NUBPL: variants seen among roughly 807,000 people sequenced by gnomAD.
The protein encoded by NUBPL is NUBP iron-sulfur cluster assembly factor, mitochondrial, also known as iron-sulfur cluster transfer protein NUBPL.
A neutral mutation model predicts 45.7 loss-of-function variants in NUBPL; 31 were observed. The observed-to-expected ratio is 0.68, with a 90% confidence interval of 0.51 to 0.92. The LOEUF (loss-of-function observed/expected upper bound fraction) is 0.92, where lower values mean the gene tolerates loss of function less well. Ranked by LOEUF, NUBPL falls within the 40% of genes least tolerant of loss-of-function variation. The pLI is 0.00. For missense variants in NUBPL, 401 were observed against 398.7 expected (o/e 1.01, Z -0.05); for synonymous variants, 144 against 140.9 (o/e 1.02, Z -0.15).
chr14:31,578,838 T>C (rs1240820932), intron 3 of NUBPL, among the ~76,000 whole-genome samples: 1 of 152,232 alleles, frequency 6.6e-6, no homozygotes, highest in Non-Finnish European at 1.5e-5. Flanking sequence ...TACAACCGCC[T>C]ATTTTTCAGT....
In NUBPL at chr14:31,820,146, AAAAAAAAG is replaced by A. The variant is rs1360635858; in HGVS notation, c.608-6477_608-6470del. 4.2e-4 allele frequency among the ~76,000 whole-genome samples: 27 copies of A among 64,712 alleles called. 1 individual carries two copies. The highest frequency in any genetic ancestry group is 8.8e-4 in the African/African-American group (23 of 26,178). 42.5% of individuals were successfully genotyped at this position (64,712 alleles called of 152,430 possible). The stretch of plus-strand genomic sequence containing the variant: ...CAGAGCGAGACTCCATCTCAAAAAA[AAAAAAAAG>A]AAAAAGAAAAAAATATTGATAGAGA... On this transcript the variant is annotated intron_variant, in intron 7 of 10. Coordinates refer to ENST00000281081, the MANE Select transcript of NUBPL (RefSeq NM_025152.3).
At chr14:31,666,256 TATA>T (rs1566487137) in intron 4 of NUBPL, among the ~76,000 whole-genome samples, 3,034 of 50,238 alleles carry the variant, frequency 0.06, 317 homozygotes, top group South Asian at 0.082. Flanking sequence ...TATATATATA[TATA>T]TATAATTTTA....
chr14:31,577,598 A>G (rs1337925339), intron 3 of NUBPL, among the ~76,000 whole-genome samples: 2 of 152,130 alleles, frequency 1.3e-5, no homozygotes, highest in African/African-American at 4.8e-5. Context: ...ATTTTTTAGT[A>G]GAGATGAATT....
intron 8 of NUBPL, chr14:31,843,716 C>G (rs919206965): frequency 7.9e-5 from 12 of 152,180 alleles, no homozygotes; most frequent in African/African-American, 2.7e-4. Context: ...TGTTTTTCTT[C>G]CCTTTTCCTT....
At chr14:31,846,742 G>A (rs2040459317) in intron 9 of NUBPL, 151 bp downstream of exon 9, 2 of 1,275,786 alleles carry the variant, frequency 1.6e-6, no homozygotes, top group African/African-American at 3.0e-5. Context: ...AGATCACGAG[G>A]TCAGGAGATC....
rs565815896 is a variant in NUBPL at position 31,670,946 on chromosome 14, G to T, written c.383-2409G>T. On this transcript the variant is annotated intron_variant, in intron 4 of 10. Transcript: ENST00000281081. The stretch of plus-strand genomic sequence containing the variant: ...GTTTTTCTTGCTTTGGATTACCTTG[G>T]CTGTTTGGGCTATTTTTTGGTTGCT... Among the ~76,000 whole-genome samples, 8 of 152,226 alleles carry T rather than the reference G, an allele frequency of 5.3e-5. No homozygotes were observed. The South Asian group carries it at 1.7e-3, about 32-fold the overall frequency.
intron 4 of NUBPL, among the ~76,000 whole-genome samples, chr14:31,627,235 A>T (rs542114996): frequency 6.6e-6 from 1 of 152,328 alleles, no homozygotes; most frequent in South Asian, 2.1e-4. Flanking sequence ...CTTTTTAAAA[A>T]AAAACTTTCT....
At chr14:31,614,656 G>A (rs2034848172) in intron 4 of NUBPL, among the ~76,000 whole-genome samples, 1 of 152,148 alleles carries the variant, frequency 6.6e-6, no homozygotes, top group Non-Finnish European at 1.5e-5. Flanking sequence ...TGGGTCAAAA[G>A]TGATACATTA....
At chr14:31,791,358 A>C (rs1566563652) in intron 7 of NUBPL, among the ~76,000 whole-genome samples, 1 of 152,228 alleles carries the variant, frequency 6.6e-6, no homozygotes, top group Non-Finnish European at 1.5e-5. Flanking sequence ...TATATCAATA[A>C]ATTTTGATTC....
chr14:31,742,237 T>TACACACACACACACAC (rs3035713), intron 6 of NUBPL, among the ~76,000 whole-genome samples: 145 of 141,470 alleles, frequency 1.0e-3, no homozygotes, highest in Admixed American at 2.1e-3. Context: ...AACTATTGTG[T>TACACACACACACACAC]ACACACACAC....
chr14:31,838,298 A>AAG (rs1295510474), intron 8 of NUBPL, among the ~76,000 whole-genome samples: 9 of 73,046 alleles, frequency 1.2e-4, no homozygotes, highest in African/African-American at 2.3e-4. Flanking sequence ...AAAAAAAAAA[A>AAG]AGAGAGAGAC....
In NUBPL at chr14:31,787,771, T is replaced by A; in HGVS notation, c.514-9T>A. On this transcript the variant is annotated splice_polypyrimidine_tract_variant and intron_variant, in intron 6 of 10. Transcript: ENST00000281081. ...TTATACAATGATATAATCTATGTCATCTTTTTAGGTAGATTGGGGTCAACT... is the reference window on the plus strand; with the variant it reads ...TTATACAATGATATAATCTATGTCAACTTTTTAGGTAGATTGGGGTCAACT... The A allele has an allele frequency of 6.4e-7, 1 of 1,572,750 alleles. No individual in the cohort carries two copies. Among genetic ancestry groups the A allele is most frequent in the Non-Finnish European group, 8.8e-7 (1 of 1,142,314 alleles).
chr14:31,829,276 C>T (rs1282534110), intron 8 of NUBPL, among the ~76,000 whole-genome samples: 3 of 150,408 alleles, frequency 2.0e-5, no homozygotes, highest in African/African-American at 4.9e-5. Flanking sequence ...TTTTTTTTTC[C>T]ACCCTACATT....
intron 6 of NUBPL, among the ~76,000 whole-genome samples, chr14:31,683,618 T>C (rs1274286330): frequency 6.6e-6 from 1 of 152,180 alleles, no homozygotes; most frequent in African/African-American, 2.4e-5. Flanking sequence ...CCCAAAGTGC[T>C]GGGATTACAG....
intron 4 of NUBPL, among the ~76,000 whole-genome samples, chr14:31,654,420 T>C (rs2036091415): frequency 6.6e-6 from 1 of 151,068 alleles, no homozygotes; most frequent in South Asian, 2.1e-4. Flanking sequence ...TTCTTTTTTT[T>C]TTTTTTGAGA....
At chr14:31,635,014 G>A (rs1257600985) in intron 4 of NUBPL, among the ~76,000 whole-genome samples, 9 of 150,204 alleles carry the variant, frequency 6.0e-5, no homozygotes, top group East Asian at 1.9e-4. Context: ...AGTAGGTTGC[G>A]AAAATTTTCT....
At chr14:31,800,871 C>T (rs1411461738) in intron 7 of NUBPL, 3 of 152,032 alleles carry the variant, frequency 2.0e-5, no homozygotes, top group Non-Finnish European at 4.4e-5. Context: ...TATTAAAGTG[C>T]TGTATTAGTC....
intron 4 of NUBPL, among the ~76,000 whole-genome samples, chr14:31,610,180 G>A (rs1314726142): frequency 6.6e-6 from 1 of 151,888 alleles, no homozygotes; most frequent in Non-Finnish European, 1.5e-5. Context: ...ACTAAGAAAA[G>A]AGGAAAGAAG....
chr14:31,598,172 T>A (rs1226647884), intron 3 of NUBPL, among the ~76,000 whole-genome samples: 1 of 152,160 alleles, frequency 6.6e-6, no homozygotes, highest in Non-Finnish European at 1.5e-5. Context: ...GATATATATA[T>A]GTATATTTAA....
Sources: allele counts gnomAD v4.1 joint callset (sites outside exome capture counted in the v4.1 genomes callset), GRCh38; gene constraint gnomAD v4.1.1; transcripts MANE v1.5; gene names NCBI Gene and HGNC (gene_info 2026-07-23, HGNC 2026-07-21).